The following MAP3K10 variants were observed in gnomAD, a reference collection of about 807,000 sequenced individuals.
MAP3K10 encodes the protein MKN28 derived nonreceptor_type serine/threonine kinase.
A neutral mutation model predicts 75.0 loss-of-function variants in MAP3K10; 22 were observed. The observed-to-expected ratio is 0.29, with a 90% CI of 0.21 to 0.42. MAP3K10 has a LOEUF of 0.42. MAP3K10 is among the 10% of genes least tolerant of loss of function. The probability of loss-of-function intolerance (pLI) is 1.00; values close to 1 mark genes in which losing one functional copy is unlikely to be tolerated. For synonymous variants in MAP3K10, 599 were observed against 612.9 expected (o/e 0.98, Z 0.34); for missense variants, 1,165 against 1,379.8 (o/e 0.84, Z 2.47).
Position 40,205,073 on chromosome 19 carries a change from CA to C in MAP3K10, c.1013-47del. On this transcript the variant is annotated intron_variant, in intron 3 of 9. Coordinates refer to ENST00000253055, the MANE Select transcript of MAP3K10 (RefSeq NM_002446.4). The surrounding 1 kb of genome is among the most constrained non-coding windows in gnomAD (Gnocchi z 4.3). Reference sequence around the variant, plus strand: ...GCAGGCTGAGTCCCCAGAGCATGACCACTGACACCTCCATGCCCCACCACTG... The same window carrying C: ...GCAGGCTGAGTCCCCAGAGCATGACCCTGACACCTCCATGCCCCACCACTG... 6.4e-7 allele frequency: 1 copy of C among 1,559,858 alleles called. No homozygotes were observed. Among genetic ancestry groups the C allele is most frequent in the Non-Finnish European group, 8.8e-7 (1 of 1,133,860 alleles).
rs868103744 is a variant in MAP3K10, at chr19:40,191,558, C to T, written c.-474C>T. Among the ~76,000 whole-genome samples, 3 of 147,056 alleles carry T rather than the reference C, an allele frequency of 2.0e-5. No individual in the cohort carries two copies. The highest frequency in any genetic ancestry group is 3.0e-5 in the Non-Finnish European group (2 of 66,076). Reference sequence around the variant, plus strand: ...CGCGTGAGGAGGCCGAGGGGCGCGCCACCCCGGCCCGGGGCGGCCGCCCCA... The same window carrying T: ...CGCGTGAGGAGGCCGAGGGGCGCGCTACCCCGGCCCGGGGCGGCCGCCCCA... On this transcript the variant is annotated 5_prime_UTR_variant, in exon 1 of 10. Coordinates refer to ENST00000253055, the MANE Select transcript of MAP3K10 (RefSeq NM_002446.4).
At chr19:40,210,223 C>T (rs557005029) in intron 6 of MAP3K10, among the ~76,000 whole-genome samples, 5 of 152,008 alleles carry the variant, frequency 3.3e-5, no homozygotes, top group Admixed American at 2.0e-4. Context: ...GCCGAGATAG[C>T]GTCACTGCAC....
chr19:40,208,873 C>A (rs1386073606), intron 5 of MAP3K10, among the ~76,000 whole-genome samples: 1 of 152,120 alleles, frequency 6.6e-6, no homozygotes, highest in Non-Finnish European at 1.5e-5. Context: ...TGCTGAGCCT[C>A]ACCCCAACTT....
At chr19:40,194,337 G>A (rs1046724271) in intron 1 of MAP3K10, among the ~76,000 whole-genome samples, 1 of 151,894 alleles carries the variant, frequency 6.6e-6, no homozygotes, top group Non-Finnish European at 1.5e-5. Context: ...CAGCCTGGGT[G>A]ACAGAGCAAG....
intron 5 of MAP3K10, among the ~76,000 whole-genome samples, chr19:40,207,958 G>A (rs138790981): frequency 3.2e-4 from 49 of 151,350 alleles, no homozygotes; most frequent in African/African-American, 1.0e-3. Context: ...GAACTCCTGC[G>A]CTCAGGCAGC....
intron 5 of MAP3K10, among the ~76,000 whole-genome samples, chr19:40,207,915 A>G (rs995150227): frequency 6.6e-6 from 1 of 151,198 alleles, no homozygotes; most frequent in Non-Finnish European, 1.5e-5. Context: ...TTTTTCTGAG[A>G]TGGGGTCTTG....
chr19:40,212,243 T>C lies in MAP3K10; in HGVS notation c.1553-562T>C, dbSNP rs115806385. On this transcript the variant is annotated intron_variant, in intron 6 of 9. Coordinates refer to ENST00000253055, the MANE Select transcript of MAP3K10 (RefSeq NM_002446.4). The surrounding 1 kb of genome is among the most constrained non-coding windows in gnomAD (Gnocchi z 4.2). The stretch of plus-strand genomic sequence containing the variant: ...CAGAGACACGGTCATCGGAGTTTCC[T>C]GGTGGGTTGAAGGGTGAAAGGCTAG... Among the ~76,000 whole-genome samples the C allele has an allele frequency of 8.9e-3, 1,359 of 152,280 alleles. 13 individuals are homozygous for C. Among genetic ancestry groups the C allele is most frequent in the African/African-American group, 0.023 (943 of 41,546 alleles).
At chr19:40,201,026 A>G (rs1372655253) in intron 2 of MAP3K10, among the ~76,000 whole-genome samples, 1 of 151,858 alleles carries the variant, frequency 6.6e-6, no homozygotes, top group African/African-American at 2.4e-5. Context: ...AATCACAGTA[A>G]CCCCATAGGT....
chr19:40,210,066 G>C (rs1973207368), intron 6 of MAP3K10, among the ~76,000 whole-genome samples: 1 of 151,408 alleles, frequency 6.6e-6, no homozygotes, highest in Admixed American at 6.6e-5. Flanking sequence ...AGGAGATCGA[G>C]ACCATCCTGG....
rs1404461706 is a variant in MAP3K10, at chr19:40,191,779, G to T, written c.-253G>T. 7 of 377,870 alleles carry T rather than the reference G, an allele frequency of 1.9e-5. No homozygotes were observed. The East Asian group carries it at 2.0e-4, about 11-fold the overall frequency. The allele number at this position is 377,870 out of a possible 1,614,324, so 23.4% of individuals were successfully genotyped here. A position where few individuals can be genotyped will look rare whatever the true frequency, so the allele number is the denominator to read the frequency against. On this transcript the variant is annotated 5_prime_UTR_variant, in exon 1 of 10. Transcript: ENST00000253055. ...GGCCCTCTTAGCCCTCTGCCGTTTG[G>T]GGGGCACGGGTGAACCTGCCGCCCC...
At position 40,215,335 on chromosome 19, in the gene MAP3K10, G is replaced by A. The variant is rs1222690401; in HGVS notation, c.*43G>A. 5 of 1,466,408 alleles carry A rather than the reference G, an allele frequency of 3.4e-6. No homozygotes were observed. Among genetic ancestry groups the A allele is most frequent in the East Asian group, 2.6e-5 (1 of 39,096 alleles). The allele number at this position is 1,466,408 out of a possible 1,614,324, so 90.8% of individuals were successfully genotyped here. The stretch of plus-strand genomic sequence containing the variant: ...CCGCCTGGGCAGCCATGAATGTAGC[G>A]CCCCAGGCCCTGCCCCAGCCCGCCA... On this transcript the variant is annotated 3_prime_UTR_variant, in exon 10 of 10. Transcript: ENST00000253055.
Position 40,215,224 on chromosome 19 carries a change from G to T in MAP3K10, c.2797G>T (p.Asp933Tyr), listed in dbSNP as rs543062542. Reference sequence around the variant, plus strand: ...CCCCAGCGTGCAGCCCACACTGCTGGACATGGACATGGAGGGGCAGAACCA... The same window carrying T: ...CCCCAGCGTGCAGCCCACACTGCTGTACATGGACATGGAGGGGCAGAACCA... Reference protein sequence around the residue: ...GPPSVQPTLLDMDMEGQNQDS... With the variant: ...GPPSVQPTLLYMDMEGQNQDS... Residue 933 changes from aspartate (D) to tyrosine (Y), a missense_variant, in exon 10 of 10, where the codon GAC (aspartate) becomes TAC (tyrosine). Physicochemically the swap from Asp to Tyr is radical, Grantham distance 160. This residue lies in a region of MAP3K10 where 590 missense variants were observed against 586.6 expected (regional missense o/e 1.01). Transcript: ENST00000253055. The T allele has an allele frequency of 6.4e-7, 1 of 1,564,996 alleles. No homozygotes were observed. The highest frequency in any genetic ancestry group is 1.4e-5 in the African/African-American group (1 of 73,538).
At chr19:40,201,362 T>A (rs373018410) in intron 2 of MAP3K10, among the ~76,000 whole-genome samples, 4 of 149,730 alleles carry the variant, frequency 2.7e-5, no homozygotes, top group East Asian at 1.9e-4. Context: ...TTATTTATTT[T>A]TTTTAATTTT....
chr19:40,194,207 A>T (rs986609882), intron 1 of MAP3K10, among the ~76,000 whole-genome samples: 1 of 152,170 alleles, frequency 6.6e-6, no homozygotes, highest in Admixed American at 6.6e-5. Flanking sequence ...CTAAAAATAC[A>T]AAAATTAGCT....
chr19:40,210,684 G>T (rs1973221852), intron 6 of MAP3K10, among the ~76,000 whole-genome samples: 1 of 151,778 alleles, frequency 6.6e-6, no homozygotes, highest in African/African-American at 2.4e-5. Context: ...CTGGGCGACA[G>T]AGTGAGACTC....
chr19:40,211,925 A>G (rs1035576599), intron 6 of MAP3K10, among the ~76,000 whole-genome samples: 8 of 152,080 alleles, frequency 5.3e-5, no homozygotes, highest in African/African-American at 1.9e-4. Flanking sequence ...GGTTTTCACC[A>G]TGTTGGCCAG....
chr19:40,208,728 T>C (rs1973181274), intron 5 of MAP3K10, among the ~76,000 whole-genome samples: 1 of 151,552 alleles, frequency 6.6e-6, no homozygotes, highest in Non-Finnish European at 1.5e-5. Flanking sequence ...TAAACTCCAA[T>C]TCCCCCATTG....
chr19:40,214,023 G>A lies in MAP3K10; in HGVS notation c.2344G>A (p.Ala782Thr), dbSNP rs1474298417. ...AAPSPPPSPP[A>T]PTPTPSPSTN... ...GCCCTCCCCACCACCCTCCCCGCCC[G>A]CGCCCACACCCACGCCCTCGCCCAG... The change falls in exon 9 of 10, where the codon GCG becomes ACG. Residue 782 changes from alanine to threonine, a missense_variant. Ala to Thr is a moderately conservative substitution (Grantham distance 58). Coordinates refer to ENST00000253055, the MANE Select transcript of MAP3K10 (RefSeq NM_002446.4). 5 of 500,744 alleles carry A rather than the reference G, an allele frequency of 1.0e-5. No homozygotes were observed. Among genetic ancestry groups the A allele is most frequent in the African/African-American group, 6.4e-5 (2 of 31,016 alleles). The allele number at this position is 500,744 out of a possible 1,614,324, so 31.0% of individuals were successfully genotyped here. A position where few individuals can be genotyped will look rare whatever the true frequency, so the allele number is the denominator to read the frequency against.
Position 40,213,570 on chromosome 19 carries a change from T to G in MAP3K10, c.1891T>G (p.Ser631Ala). The G allele has an allele frequency of 2.5e-6, 4 of 1,610,516 alleles. No homozygotes were observed. The highest frequency in any genetic ancestry group is 3.4e-6 in the Non-Finnish European group (4 of 1,178,804). Residue 631 changes from serine (S) to alanine (A), a missense_variant, in exon 9 of 10, where the codon TCG becomes GCG. By Grantham distance (99) the Ser-to-Ala change is moderately conservative (BLOSUM62 1). Transcript: ENST00000253055. This position sits in a 1 kb window ranked among gnomAD's most constrained non-coding sequence, Gnocchi z 5.7. Reference protein sequence around the residue: ...GGSSVPPSPYSTPSYLSVPLP... With the variant: ...GGSSVPPSPYATPSYLSVPLP... ...CAGCAGCGTGCCCCCTTCCCCCTACTCGACCCCGTCCTACCTCTCAGTGCC... is the reference window on the plus strand; with the variant it reads ...CAGCAGCGTGCCCCCTTCCCCCTACGCGACCCCGTCCTACCTCTCAGTGCC...
Sources: allele counts gnomAD v4.1 joint callset (sites outside exome capture counted in the v4.1 genomes callset), GRCh38; gene constraint gnomAD v4.1.1; regional missense constraint gnomAD v4.1.1; non-coding constraint Gnocchi (gnomAD v3.1); transcripts MANE v1.5; gene names NCBI Gene and HGNC (gene_info 2026-07-23, HGNC 2026-07-21).